MED12L: variants seen among roughly 807,000 people sequenced by gnomAD.
MED12L encodes mediator of RNA polymerase II transcription subunit 12-like protein.
A neutral mutation model predicts 281.3 loss-of-function variants in MED12L; 60 were observed. The observed-to-expected ratio is 0.21, with a 90% CI of 0.17 to 0.26. The LOEUF (loss-of-function observed/expected upper bound fraction) is 0.26. Ranked by LOEUF, MED12L falls within the 10% of genes least tolerant of loss-of-function variation. The pLI is 1.00. For synonymous variants in MED12L, 974 were observed against 987.2 expected, an observed-to-expected ratio of 0.99 and a Z score of 0.25; for missense variants, 2,146 against 2,680.9, an observed-to-expected ratio of 0.80 and a Z score of 4.41.
intron 39 of MED12L, 73 bp from the exon 40 acceptor site, chr3:151,409,170 G>A: frequency 8.7e-7 from 1 of 1,150,780 alleles, no homozygotes; most frequent in Non-Finnish European, 1.2e-6. Context: ...TGGGTTATTT[G>A]GATTATTAAC....
At chr3:151,247,569 A>G (rs1013762287) in intron 16 of MED12L, among the ~76,000 whole-genome samples, 20 of 140,558 alleles carry the variant, frequency 1.4e-4, no homozygotes, top group African/African-American at 4.2e-4. Flanking sequence ...CAATGAGATC[A>G]CATGGACACA....
intron 16 of MED12L, among the ~76,000 whole-genome samples, chr3:151,347,479 A>G (rs1752674732): frequency 6.6e-6 from 1 of 152,226 alleles, no homozygotes; most frequent in Non-Finnish European, 1.5e-5. Context: ...AATGCTCCAA[A>G]GTCTACTTCC....
intron 16 of MED12L, among the ~76,000 whole-genome samples, chr3:151,206,071 A>ATT (rs60866327): frequency 1.2e-3 from 153 of 124,178 alleles, no homozygotes; most frequent in Middle Eastern, 4.3e-3. Context: ...AAAGAAAATA[A>ATT]TTTTTTTTTT....
rs1754046132 is a variant in MED12L, at chr3:151,357,263, C to T, written c.2712C>T (p.Ser904=). ...VVEAELLLKS[S]SLAGSYTTGL... ...AAGCTGAACTGCTCCTAAAATCCTC[C>T]AGCCTGGCAGGAAGTTATACAACAG... The change falls in exon 20 of 45, where the codon TCC becomes TCT. Residue 904 remains serine (S), a synonymous_variant. Transcript: ENST00000687756. 1.2e-6 allele frequency: 2 copies of T among 1,613,494 alleles called. No homozygotes were observed. Among genetic ancestry groups the T allele is most frequent in the South Asian group, 1.1e-5 (1 of 91,000 alleles).
intron 16 of MED12L, among the ~76,000 whole-genome samples, chr3:151,216,464 A>G (rs1329499172): frequency 1.3e-5 from 2 of 152,374 alleles, no homozygotes; most frequent in Middle Eastern, 3.4e-3. Context: ...AAAATAGTAC[A>G]TCCATGTAAA....
At chr3:151,192,676 T>C (rs1242323119) in intron 15 of MED12L, 22 bp downstream of exon 15, 3 of 1,409,028 alleles carry the variant, frequency 2.1e-6, no homozygotes, top group Non-Finnish European at 2.9e-6. Flanking sequence ...CTTTGATTCT[T>C]ATTGACAATT....
intron 16 of MED12L, among the ~76,000 whole-genome samples, chr3:151,291,442 G>C (rs1187091748): frequency 6.6e-6 from 1 of 152,022 alleles, no homozygotes; most frequent in African/African-American, 2.4e-5. Context: ...TTTTCTACAA[G>C]ATCAGTTTCT....
rs1278256043 is a variant in MED12L, at chr3:151,433,941, TAA to T, written c.*1138_*1139del. 1.3e-5 allele frequency: 2 copies of T among 152,682 alleles called. No homozygotes were observed. The highest frequency in any genetic ancestry group is 2.9e-5 in the Non-Finnish European group (2 of 68,054). 9.5% of individuals were successfully genotyped at this position (152,682 alleles called of 1,614,324 possible). A position where few individuals can be genotyped will look rare whatever the true frequency, so the allele number is the denominator to read the frequency against. On this transcript the variant is annotated 3_prime_UTR_variant, in exon 45 of 45. Transcript: ENST00000687756. ...TATTATAAAGAAATAGTAACTATTT[TAA>T]CTTTGTTCAAGTATGTGGTAATTTG...
intron 1 of MED12L, among the ~76,000 whole-genome samples, chr3:151,086,150 C>T (rs1424851687): frequency 6.6e-6 from 1 of 152,194 alleles, no homozygotes; most frequent in Non-Finnish European, 1.5e-5. Context: ...CCGCCGCGAC[C>T]GCCAGCAGCG....
chr3:151,123,237 AG>A (rs1312959115), intron 4 of MED12L, among the ~76,000 whole-genome samples: 1 of 152,244 alleles, frequency 6.6e-6, no homozygotes, highest in African/African-American at 2.4e-5. Flanking sequence ...TTTAAAATCA[AG>A]AACAGGCAAG....
chr3:151,218,027 C>T (rs1728578382), intron 16 of MED12L, among the ~76,000 whole-genome samples: 1 of 152,144 alleles, frequency 6.6e-6, no homozygotes, highest in Admixed American at 6.5e-5. Context: ...ATTTGGACCT[C>T]GTGATATCTA....
At chr3:151,220,863 A>C (rs1729203275) in intron 16 of MED12L, among the ~76,000 whole-genome samples, 1 of 152,218 alleles carries the variant, frequency 6.6e-6, no homozygotes, top group African/African-American at 2.4e-5. Flanking sequence ...AAGGTATCTG[A>C]AAATGTGGAA....
intron 11 of MED12L, among the ~76,000 whole-genome samples, chr3:151,177,522 G>T: frequency 6.6e-6 from 1 of 152,144 alleles, no homozygotes; most frequent in Non-Finnish European, 1.5e-5. Context: ...AATAATTTTT[G>T]TTTTTGAGAC....
rs1553808547 is a variant in MED12L at position 151,141,190 on chromosome 3, T to TTTGTTTTTTTTGTTTTTTTGTTTTTTTG, written c.556+13208_556+13209insGTTTTTTTTGTTTTTTTGTTTTTTTGTT. Among the ~76,000 whole-genome samples the TTTGTTTTTTTTGTTTTTTTGTTTTTTTG allele has an allele frequency of 6.1e-4, 83 of 135,178 alleles. 1 individual carries two copies. In the South Asian group the frequency reaches 0.013, roughly 21 times the overall value. 88.7% of individuals were successfully genotyped at this position (135,178 alleles called of 152,430 possible). A position where few individuals can be genotyped will look rare whatever the true frequency, so the allele number is the denominator to read the frequency against. ...CGTTTTTTTTTTTGTTTTTTTTGTT[T>TTTGTTTTTTTTGTTTTTTTGTTTTTTTG]TTTTTTTTTTGTTAGTAGAGACGGG... is the stretch of plus-strand genomic sequence containing the variant. On this transcript the variant is annotated intron_variant, in intron 5 of 44. Coordinates refer to ENST00000687756, the MANE Select transcript of MED12L (RefSeq NM_001393769.1).
At chr3:151,120,417 A>G (rs1274638720) in intron 3 of MED12L, among the ~76,000 whole-genome samples, 1 of 152,242 alleles carries the variant, frequency 6.6e-6, no homozygotes, top group Non-Finnish European at 1.5e-5. Context: ...TGAAATAACA[A>G]ATGTGAAAGG....
intron 16 of MED12L, among the ~76,000 whole-genome samples, chr3:151,312,561 GT>G (rs1747692296): frequency 6.6e-6 from 1 of 152,158 alleles, no homozygotes; most frequent in Non-Finnish European, 1.5e-5. Flanking sequence ...CCTCCAGAGA[GT>G]TTCTCTGGTG....
intron 16 of MED12L, chr3:151,328,391 A>AT: frequency 1.2e-6 from 2 of 1,613,792 alleles, no homozygotes; most frequent in African/African-American, 2.7e-5. Flanking sequence ...AAGCATTAGG[A>AT]TAAAAACAGT....
chr3:151,141,187 G>GTTTTTTTTGTTTTTT (rs1716941364), intron 5 of MED12L, among the ~76,000 whole-genome samples: 1 of 99,108 alleles, frequency 1.0e-5, no homozygotes, highest in African/African-American at 4.8e-5. Context: ...TGTTTTTTTT[G>GTTTTTTTTGTTTTTT]TTTTTTTTTT....
chr3:151,190,789 A>G lies in MED12L; in HGVS notation c.1826A>G (p.His609Arg), dbSNP rs1723870830. 2 of 1,614,212 alleles carry G rather than the reference A, an allele frequency of 1.2e-6. No individual in the cohort carries two copies. The highest frequency in any genetic ancestry group is 1.7e-6 in the Non-Finnish European group (2 of 1,180,034). Reference protein sequence around the residue: ...LVLLFCEFIRHDVFSHDAYMC... With the variant: ...LVLLFCEFIRRDVFSHDAYMC... ...CTGCTCTTCTGCGAGTTCATCCGCC[A>G]TGATGTCTTCTCCCATGACGCATAC... The change falls in exon 14 of 45, where the codon CAT becomes CGT. Residue 609 changes from histidine to arginine, a missense_variant. Coordinates refer to ENST00000687756, the MANE Select transcript of MED12L (RefSeq NM_001393769.1).
Sources: gnomAD v4.1 joint callset for allele counts (sites outside exome capture counted in the v4.1 genomes callset) on GRCh38, gnomAD v4.1.1 for gene constraint, MANE v1.5 for transcripts, NCBI Gene and HGNC (gene_info 2026-07-23, HGNC 2026-07-21) for gene names.